ANKAR: variants seen among roughly 807,000 people sequenced by gnomAD.
ANKAR encodes ankyrin and armadillo repeat containing, also known as ankyrin and armadillo repeat-containing protein.
A neutral mutation model predicts 146.2 loss-of-function variants in ANKAR; 136 were observed. The observed-to-expected ratio is 0.93, with a 90% CI of 0.81 to 1.07. The LOEUF (loss-of-function observed/expected upper bound fraction) is 1.07. Ranked by LOEUF, ANKAR falls within the 50% of genes least tolerant of loss-of-function variation. The pLI is 0.00. For synonymous variants in ANKAR, 500 were observed against 575.8 expected, an observed-to-expected ratio of 0.87 and a Z score of 1.88; for missense variants, 1,567 against 1,679.9, an observed-to-expected ratio of 0.93 and a Z score of 1.18.
downstream of ANKAR, chr2:189,746,747 CG>C (rs2044216600): frequency 3.6e-6 from 4 of 1,101,614 alleles, no homozygotes; most frequent in Non-Finnish European, 4.9e-6. Flanking sequence ...TTCTTGATCT[CG>C]ATACTAAGCA....
intron 9 of ANKAR, among the ~76,000 whole-genome samples, chr2:189,709,412 T>C (rs1196201894): frequency 6.6e-6 from 1 of 152,142 alleles, no homozygotes; most frequent in East Asian, 1.9e-4. Flanking sequence ...TCCAAACCGA[T>C]TGTATATGGA....
At chr2:189,690,508 A>T (rs980472599) in intron 3 of ANKAR, among the ~76,000 whole-genome samples, 10 of 152,246 alleles carry the variant, frequency 6.6e-5, no homozygotes, top group African/African-American at 2.4e-4. Flanking sequence ...ACAGGCCATG[A>T]TTAATGGAAT....
At chr2:189,751,449 T>G (rs529435896), downstream of ANKAR, among the ~76,000 whole-genome samples, 4 of 150,510 alleles carry the variant, frequency 2.7e-5, no homozygotes, top group African/African-American at 9.8e-5. Context: ...GTTGTGTTTT[T>G]TTTTTTTTTT....
intron 2 of ANKAR, among the ~76,000 whole-genome samples, chr2:189,687,258 A>G (rs1416035932): frequency 6.6e-6 from 1 of 152,136 alleles, no homozygotes; most frequent in African/African-American, 2.4e-5. Flanking sequence ...TTCATTTAAC[A>G]TAATGTCCTC....
intron 7 of ANKAR, among the ~76,000 whole-genome samples, chr2:189,697,248 C>A (rs2037356335): frequency 6.6e-6 from 1 of 150,484 alleles, no homozygotes; most frequent in African/African-American, 2.4e-5. Flanking sequence ...AAAAAAAAAA[C>A]TTAGCCAGGC....
chr2:189,702,274 A>G (rs2038185304), intron 7 of ANKAR, among the ~76,000 whole-genome samples: 1 of 152,136 alleles, frequency 6.6e-6, no homozygotes, highest in African/African-American at 2.4e-5. Flanking sequence ...TGCTGGAAGT[A>G]TGAGGGGATT....
intron 9 of ANKAR, among the ~76,000 whole-genome samples, chr2:189,707,915 T>C (rs2039173218): frequency 6.6e-6 from 1 of 152,176 alleles, no homozygotes; most frequent in East Asian, 1.9e-4. Context: ...CTTGGACTCA[T>C]ACCATAAATC....
chr2:189,704,288 C>A (rs62185874), intron 7 of ANKAR, among the ~76,000 whole-genome samples: 1 of 150,882 alleles, frequency 6.6e-6, no homozygotes, highest in Non-Finnish European at 1.5e-5. Flanking sequence ...ACTACAGGCA[C>A]GCACCACCAT....
At chr2:189,759,860 CAT>C (rs1186968386) in intron 18 of ANKAR, among the ~76,000 whole-genome samples, 2 of 152,116 alleles carry the variant, frequency 1.3e-5, no homozygotes, top group African/African-American at 2.4e-5. Flanking sequence ...AGCAGATAAA[CAT>C]GTGAACAAAG....
At chr2:189,690,934 ATTAT>A (rs1478345386) in intron 3 of ANKAR, among the ~76,000 whole-genome samples, 5 of 152,210 alleles carry the variant, frequency 3.3e-5, no homozygotes, top group African/African-American at 1.2e-4. Context: ...AGTGTATATT[ATTAT>A]TTGTACTTTT....
intron 2 of ANKAR, among the ~76,000 whole-genome samples, chr2:189,684,615 G>A (rs2035246688): frequency 6.6e-6 from 1 of 152,010 alleles, no homozygotes; most frequent in African/African-American, 2.4e-5. Context: ...AACACTTGAG[G>A]AGGCCGAGGT....
In ANKAR at chr2:189,696,140, T is replaced by A. The variant is rs747670931; in HGVS notation, c.1489-10T>A. 4.3e-6 allele frequency: 7 copies of A among 1,612,250 alleles called. No individual in the cohort carries two copies. The Admixed American group carries it at 1.2e-4, about 27-fold the overall frequency. On this transcript the variant is annotated splice_polypyrimidine_tract_variant and intron_variant, in intron 6 of 22. Coordinates refer to ENST00000684021, the MANE Select transcript of ANKAR (RefSeq NM_001378068.1). ...TTTTGATAAACTGATTCTGGCCTTC[T>A]TAATTTTAGAGTATTCCATTTGGTA...
At chr2:189,732,729 A>G (rs576905313) in intron 16 of ANKAR, among the ~76,000 whole-genome samples, 3 of 151,820 alleles carry the variant, frequency 2.0e-5, no homozygotes, top group South Asian at 4.2e-4. Context: ...GTAGTTAACA[A>G]GCAGTTCAAA....
chr2:189,741,398 A>G lies in ANKAR; in HGVS notation c.3757A>G (p.Thr1253Ala). 6.2e-7 allele frequency: 1 copy of G among 1,610,780 alleles called. No individual in the cohort carries two copies. The highest frequency in any genetic ancestry group is 8.5e-7 in the Non-Finnish European group (1 of 1,178,380). Residue 1253 changes from threonine (T) to alanine (A), a missense_variant, in exon 20 of 23, where the codon ACA becomes GCA. Physicochemically the swap from Thr to Ala is moderately conservative, Grantham distance 58. Transcript: ENST00000684021. ...SRAGIPEAFT[T>A]LGTIQRLCYH... ...AGCTGGTATCCCAGAAGCATTTACC[A>G]CATTAGGAACAATCCAACGGCTCTG... is the stretch of plus-strand genomic sequence containing the variant.
chr2:189,736,715 A>C (rs1248206384), intron 17 of ANKAR, among the ~76,000 whole-genome samples: 1 of 152,014 alleles, frequency 6.6e-6, no homozygotes, highest in African/African-American at 2.4e-5. Context: ...GCATCATATA[A>C]TTTTATCTAT....
chr2:189,707,174 G>C, intron 9 of ANKAR, 28 bp downstream of exon 9: 1 of 1,240,704 alleles, frequency 8.1e-7, no homozygotes, highest in Non-Finnish European at 1.1e-6. Flanking sequence ...ATAAATACAT[G>C]TTCTGATTAT....
rs778829187 is a variant in ANKAR, at chr2:189,676,930, T to C, written c.440T>C (p.Leu147Pro). 1.1e-5 allele frequency: 17 copies of C among 1,614,048 alleles called. No homozygotes were observed. The highest frequency in any genetic ancestry group is 1.4e-5 in the Non-Finnish European group (17 of 1,180,036). ...TATGATACCAGAATTGGGCAAATTC[T>C]GATCAATATTGACTACATGCTGAAA... ...AYYDTRIGQI[L>P]INIDYMLKAL... Residue 147 changes from leucine (L) to proline (P), a missense_variant, in exon 2 of 23, where the codon CTG (leucine) becomes CCG (proline). Physicochemically the swap from Leu to Pro is moderately conservative, Grantham distance 98 (BLOSUM62 -3). Coordinates refer to ENST00000684021, the MANE Select transcript of ANKAR (RefSeq NM_001378068.1).
chr2:189,720,694 C>T lies in ANKAR; in HGVS notation c.2542C>T (p.Arg848Trp), dbSNP rs755839623. The stretch of plus-strand genomic sequence containing the variant: ...GCTAGTAAATGTAATGAACTGTATA[C>T]GGGTATTGTGTATAGGAAATGAAAA... Reference protein sequence around the residue: ...NVLVNVMNCIRVLCIGNENNQ... With the variant: ...NVLVNVMNCIWVLCIGNENNQ... Residue 848 changes from arginine (R) to tryptophan (W), a missense_variant, in exon 12 of 23, where the codon CGG becomes TGG. By Grantham distance (101) the Arg-to-Trp change is moderately radical. Coordinates refer to ENST00000684021, the MANE Select transcript of ANKAR (RefSeq NM_001378068.1). The T allele has an allele frequency of 2.5e-5, 38 of 1,502,276 alleles. No homozygotes were observed. In the East Asian group the frequency reaches 5.9e-4, roughly 23 times the overall value. The allele number at this position is 1,502,276 out of a possible 1,614,324, so 93.1% of individuals were successfully genotyped here. A position where few individuals can be genotyped will look rare whatever the true frequency, so the allele number is the denominator to read the frequency against.
chr2:189,686,189 T>C (rs182060398), intron 2 of ANKAR, among the ~76,000 whole-genome samples: 15 of 151,944 alleles, frequency 9.9e-5, no homozygotes, highest in Non-Finnish European at 1.6e-4. Flanking sequence ...AACCCAAGAG[T>C]ATTCTGGCCT....
Sources: gnomAD v4.1 joint callset for allele counts (sites outside exome capture counted in the v4.1 genomes callset) on GRCh38, gnomAD v4.1.1 for gene constraint, MANE v1.5 for transcripts, NCBI Gene and HGNC (gene_info 2026-07-23, HGNC 2026-07-21) for gene names.